ERICH1: variants seen among roughly 807,000 people sequenced by gnomAD.
The protein encoded by ERICH1 is glutamate-rich protein 1.
Under a neutral mutation model 39.6 loss-of-function variants are expected in ERICH1, and 56 were observed. That is an observed-to-expected ratio of 1.41 (90% CI 1.14 to 1.77). The LOEUF (loss-of-function observed/expected upper bound fraction) is 1.77. Among genes scored for constraint, ERICH1 ranks in the 40% most tolerant of loss-of-function variants. ERICH1 has a pLI of 0.00. For synonymous variants in ERICH1, 313 were observed against 223.6 expected, an observed-to-expected ratio of 1.40 and a Z score of -3.57; for missense variants, 826 against 575.4, an observed-to-expected ratio of 1.44 and a Z score of -4.45.
chr8:698,313 G>A (rs781403882), intron 2 of ERICH1, among the ~76,000 whole-genome samples: 23 of 151,438 alleles, frequency 1.5e-4, no homozygotes, highest in Non-Finnish European at 3.1e-4. Flanking sequence ...CTGCCTCCCA[G>A]GTTCCAGCGA....
At chr8:689,319 C>G (rs1808382817) in intron 3 of ERICH1, among the ~76,000 whole-genome samples, 1 of 152,216 alleles carries the variant, frequency 6.6e-6, no homozygotes, top group Admixed American at 6.5e-5. Flanking sequence ...CCATGTTGGC[C>G]AGGCTGTTCT....
intron 3 of ERICH1, among the ~76,000 whole-genome samples, chr8:617,654 G>C (rs1797008322): frequency 6.7e-6 from 1 of 149,126 alleles, no homozygotes; most frequent in Non-Finnish European, 1.5e-5. Flanking sequence ...TCACTGCTGA[G>C]TGCTGGGTGC....
At chr8:656,193 TC>T (rs1434446132) in intron 3 of ERICH1, among the ~76,000 whole-genome samples, 1 of 151,882 alleles carries the variant, frequency 6.6e-6, no homozygotes, top group East Asian at 1.9e-4. Flanking sequence ...TCTTCTAAAC[TC>T]CCCCGGTTCC....
At chr8:717,643 G>A (rs1254325248) in intron 1 of ERICH1, among the ~76,000 whole-genome samples, 1 of 152,240 alleles carries the variant, frequency 6.6e-6, no homozygotes, top group African/African-American at 2.4e-5. Flanking sequence ...CAAATTCTAA[G>A]ACAAAACCAT....
chr8:651,913 C>G (rs1190317467), intron 3 of ERICH1, among the ~76,000 whole-genome samples: 3 of 152,134 alleles, frequency 2.0e-5, no homozygotes, highest in Non-Finnish European at 2.9e-5. Flanking sequence ...AGAAAAAAGC[C>G]TTTTTCACAG....
intron 2 of ERICH1, among the ~76,000 whole-genome samples, chr8:693,903 C>T (rs896407054): frequency 3.3e-5 from 5 of 152,242 alleles, no homozygotes; most frequent in Admixed American, 1.3e-4. Context: ...TGCTTTTGCC[C>T]GCTTTTCATG....
intron 2 of ERICH1, among the ~76,000 whole-genome samples, chr8:710,418 C>T (rs549473807): frequency 2.3e-4 from 35 of 151,048 alleles, no homozygotes; most frequent in Non-Finnish European, 4.9e-4. Context: ...TCCTCCCAGT[C>T]CTTGGCATCG....
At chr8:731,096 C>T in intron 1 of ERICH1, 44 bp downstream of exon 1, 1 of 1,427,378 alleles carries the variant, frequency 7.0e-7, no homozygotes, top group East Asian at 3.0e-5. Context: ...GAGCCGAGAG[C>T]CGGGTCTGGG....
intron 3 of ERICH1, among the ~76,000 whole-genome samples, chr8:677,042 T>A (rs1805005698): frequency 6.6e-6 from 1 of 152,208 alleles, no homozygotes; most frequent in Non-Finnish European, 1.5e-5. Context: ...TTCTCCTCTG[T>A]CTCAACAGCC....
intron 5 of ERICH1, chr8:666,589 A>G: frequency 6.6e-6 from 1 of 152,068 alleles, no homozygotes; most frequent in Non-Finnish European, 1.5e-5. Context: ...GTCGTTTCTC[A>G]TGGTCCCTGG....
At chr8:668,390 G>C (rs1041682039) in intron 5 of ERICH1, 1 of 599,540 alleles carries the variant, frequency 1.7e-6, no homozygotes, top group East Asian at 2.8e-5. Flanking sequence ...GACTGCACAT[G>C]CATTTCTGCA....
At chr8:671,512 C>A (rs1217375593) in intron 4 of ERICH1, among the ~76,000 whole-genome samples, 1 of 145,924 alleles carries the variant, frequency 6.9e-6, no homozygotes, top group Non-Finnish European at 1.5e-5. Flanking sequence ...TCTGTGCTCA[C>A]TGGGCTCCAG....
At chr8:705,861 G>C (rs1376845860) in intron 2 of ERICH1, among the ~76,000 whole-genome samples, 1 of 152,192 alleles carries the variant, frequency 6.6e-6, no homozygotes, top group African/African-American at 2.4e-5. Context: ...GGGGACGGTG[G>C]AGCCTTAAGA....
rs544954207 is a variant in ERICH1 at position 729,976 on chromosome 8, G to GC, written c.22+1163dup. ...AGGAGAAAACCTGCAGTAGCAAGAA[G>GC]CCCCCCACCAAGAAGGCAGGCACAG... is the stretch of plus-strand genomic sequence containing the variant. On this transcript the variant is annotated intron_variant, in intron 1 of 5. Coordinates refer to ENST00000262109, the MANE Select transcript of ERICH1 (RefSeq NM_207332.3). 2.0e-3 allele frequency among the ~76,000 whole-genome samples: 301 copies of GC among 152,228 alleles called. 1 individual carries two copies. The highest frequency in any genetic ancestry group is 6.8e-3 in the African/African-American group (282 of 41,532).
At chr8:637,826 G>C (rs4735810) in intron 3 of ERICH1, among the ~76,000 whole-genome samples, 59,828 of 152,112 alleles carry the variant, frequency 0.39, 11,886 homozygotes, top group Middle Eastern at 0.47. Flanking sequence ...TCCAGACCCC[G>C]CTGTAGTCAC....
At chr8:615,315 T>G (rs1796853119) in intron 3 of ERICH1, 2 of 651,848 alleles carry the variant, frequency 3.1e-6, no homozygotes, top group South Asian at 3.5e-5. Flanking sequence ...AGATCAGTTG[T>G]GTTCATCATT....
chr8:682,358 G>C (rs903749215), intron 3 of ERICH1, among the ~76,000 whole-genome samples: 41 of 152,160 alleles, frequency 2.7e-4, no homozygotes, highest in African/African-American at 9.2e-4. Flanking sequence ...AAACAACAGA[G>C]GCTTCATCCA....
intron 3 of ERICH1, among the ~76,000 whole-genome samples, chr8:652,509 C>T (rs1800103457): frequency 6.6e-6 from 1 of 152,228 alleles, no homozygotes; most frequent in South Asian, 2.1e-4. Flanking sequence ...GGTTCTGGCT[C>T]ACACCTGCTG....
At chr8:715,432 C>T (rs1368000483) in intron 2 of ERICH1, among the ~76,000 whole-genome samples, 1 of 152,216 alleles carries the variant, frequency 6.6e-6, no homozygotes, top group Non-Finnish European at 1.5e-5. Flanking sequence ...TGTCATGGGA[C>T]AGACGTCTGC....
Sources: allele counts gnomAD v4.1 joint callset (sites outside exome capture counted in the v4.1 genomes callset), GRCh38; gene constraint gnomAD v4.1.1; transcripts MANE v1.5; gene names NCBI Gene and HGNC (gene_info 2026-07-23, HGNC 2026-07-21).